The following GRIN2B variants were observed in gnomAD, a reference collection of about 807,000 sequenced individuals.
GRIN2B encodes the protein glutamate ionotropic receptor NMDA type subunit 2B.
A neutral mutation model predicts 114.5 loss-of-function variants in GRIN2B; 5 were observed. The ratio of observed to expected loss-of-function variants is 0.04; its 90% CI spans 0.02 to 0.09. GRIN2B has a LOEUF of 0.09. Among genes scored for constraint, GRIN2B ranks in the 10% least tolerant of loss-of-function variants. The pLI is 1.00. For missense variants in GRIN2B, 1,108 were observed against 1,943.5 expected (o/e 0.57, Z 8.08); for synonymous variants, 787 against 745.1 (o/e 1.06, Z -0.92).
intron 2 of GRIN2B, among the ~76,000 whole-genome samples, chr12:13,978,834 G>T (rs1377592643): frequency 6.6e-6 from 1 of 152,182 alleles, no homozygotes; most frequent in African/African-American, 2.4e-5. Context: ...TTGCATGAGT[G>T]ACTAGCTGAA....
intron 4 of GRIN2B, among the ~76,000 whole-genome samples, chr12:13,708,562 T>A (rs564279272): frequency 1.3e-5 from 2 of 152,246 alleles, no homozygotes; most frequent in South Asian, 2.1e-4. Flanking sequence ...TTAAAAGTTA[T>A]CTTTATTATT....
intron 4 of GRIN2B, among the ~76,000 whole-genome samples, chr12:13,684,930 C>G (rs1461939339): frequency 3.3e-5 from 5 of 152,148 alleles, no homozygotes; most frequent in African/African-American, 1.2e-4. Flanking sequence ...GCTGGAAAAA[C>G]TATTCAGGGG....
intron 4 of GRIN2B, among the ~76,000 whole-genome samples, chr12:13,746,328 C>A (rs12321712): frequency 6.6e-6 from 1 of 152,220 alleles, no homozygotes; most frequent in East Asian, 1.9e-4. Context: ...ACCTATGACC[C>A]GCTTTTTAAC....
chr12:13,944,058 T>C (rs938449947), intron 2 of GRIN2B, among the ~76,000 whole-genome samples: 11 of 152,236 alleles, frequency 7.2e-5, no homozygotes, highest in African/African-American at 2.7e-4. Flanking sequence ...AAGTTTCATT[T>C]GTAAAACAAA....
chr12:13,754,382 T>C (rs1863541445), intron 3 of GRIN2B, among the ~76,000 whole-genome samples: 1 of 152,202 alleles, frequency 6.6e-6, no homozygotes, highest in Non-Finnish European at 1.5e-5. Flanking sequence ...TTTCCATTTT[T>C]CAAGGCTTTT....
chr12:13,685,992 A>G (rs1950171903), intron 4 of GRIN2B, among the ~76,000 whole-genome samples: 1 of 152,168 alleles, frequency 6.6e-6, no homozygotes, highest in South Asian at 2.1e-4. Flanking sequence ...AAGGGATATT[A>G]TGGATCTGAA....
intron 4 of GRIN2B, among the ~76,000 whole-genome samples, chr12:13,706,740 T>G (rs1050923943): frequency 2.6e-5 from 4 of 152,216 alleles, no homozygotes; most frequent in African/African-American, 9.6e-5. Context: ...ACTGTGTGAG[T>G]CCTGTTTGCC....
chr12:13,690,836 C>T (rs1175006585), intron 4 of GRIN2B, among the ~76,000 whole-genome samples: 3 of 152,108 alleles, frequency 2.0e-5, no homozygotes, highest in Non-Finnish European at 1.5e-5. Flanking sequence ...AAACTCAAAG[C>T]ATTGGGGGAA....
intron 4 of GRIN2B, among the ~76,000 whole-genome samples, chr12:13,718,372 T>C (rs1950476661): frequency 6.6e-6 from 1 of 151,902 alleles, no homozygotes; most frequent in Non-Finnish European, 1.5e-5. Context: ...TAAGGAGAGA[T>C]TCAGAGCTGT....
intron 4 of GRIN2B, among the ~76,000 whole-genome samples, chr12:13,685,633 CAG>C (rs1456759591): frequency 6.6e-6 from 1 of 152,066 alleles, no homozygotes; most frequent in Non-Finnish European, 1.5e-5. Flanking sequence ...GTATGTGAGA[CAG>C]AGAGAGTGGT....
rs1254629461 is a variant in GRIN2B, at chr12:13,546,098, G to T, written c.*16685C>A. 1 of 151,972 alleles carries T rather than the reference G, an allele frequency of 6.6e-6. No homozygotes were observed. The highest frequency in any genetic ancestry group is 2.4e-5 in the African/African-American group (1 of 41,370). The allele number at this position is 151,972 out of a possible 1,614,324, so 9.4% of individuals were successfully genotyped here. On this transcript the variant is annotated 3_prime_UTR_variant, in exon 14 of 14. Transcript: ENST00000609686. ...TCTCTCTCAGAGGTGACCTAACTTT[G>T]TGATCCAAAATCATTCCAATATTGA...
chr12:13,958,229 G>C (rs138852604), intron 2 of GRIN2B, among the ~76,000 whole-genome samples: 165 of 152,250 alleles, frequency 1.1e-3, no homozygotes, highest in African/African-American at 3.9e-3. Context: ...AACACAATCT[G>C]TAAAAATAAT....
chr12:13,743,535 G>A (rs1863320975), intron 4 of GRIN2B, among the ~76,000 whole-genome samples: 1 of 150,662 alleles, frequency 6.6e-6, no homozygotes, highest in African/African-American at 2.4e-5. Context: ...ATAGTGAACT[G>A]TAATATAATA....
chr12:13,816,743 T>C (rs1032762205), intron 3 of GRIN2B, among the ~76,000 whole-genome samples: 1 of 152,182 alleles, frequency 6.6e-6, no homozygotes, highest in African/African-American at 2.4e-5. Context: ...AACAAGATAA[T>C]ATACATTATA....
chr12:13,795,181 C>T (rs1864395980), intron 3 of GRIN2B, among the ~76,000 whole-genome samples: 2 of 152,114 alleles, frequency 1.3e-5, no homozygotes, highest in South Asian at 4.1e-4. Flanking sequence ...CTGTGTCCAT[C>T]TATATTGGGT....
intron 2 of GRIN2B, among the ~76,000 whole-genome samples, chr12:13,971,556 T>A (rs1260350430): frequency 6.6e-6 from 1 of 152,176 alleles, no homozygotes; most frequent in Non-Finnish European, 1.5e-5. Flanking sequence ...ACAGGGCTAG[T>A]GAATTCCAAC....
chr12:13,685,001 T>C (rs1196383644), intron 4 of GRIN2B, among the ~76,000 whole-genome samples: 4 of 152,336 alleles, frequency 2.6e-5, no homozygotes, highest in Admixed American at 2.6e-4. Context: ...AGGAAGACTT[T>C]CCTTCCTGTG....
intron 1 of GRIN2B, among the ~76,000 whole-genome samples, chr12:13,980,801 G>C (rs1253738311): frequency 6.6e-6 from 1 of 152,222 alleles, no homozygotes; most frequent in East Asian, 1.9e-4. Flanking sequence ...ATCGCCTCCA[G>C]CAGCAGCGCC....
chr12:13,865,861 T>A lies in GRIN2B; in HGVS notation c.348A>T (p.Ser116=), dbSNP rs369700137. The A allele has an allele frequency of 3.1e-6, 5 of 1,614,032 alleles. No homozygotes were observed. Among genetic ancestry groups the A allele is most frequent in the Non-Finnish European group, 4.2e-6 (5 of 1,179,978 alleles). The change falls in exon 3 of 14, where the codon TCA becomes TCT. Residue 116 remains serine (S), a synonymous_variant. Coordinates refer to ENST00000609686, the MANE Select transcript of GRIN2B (RefSeq NM_000834.5). Reference sequence around the variant, plus strand: ...CCAGGATGGGGGTGAGAGTCTGTGCTGAAATGAAATCGAGGATCTGGGCGA... The same window carrying A: ...CCAGGATGGGGGTGAGAGTCTGTGCAGAAATGAAATCGAGGATCTGGGCGA... ...EAIAQILDFI[S]AQTLTPILGI...
Sources: gnomAD v4.1 joint callset for allele counts (sites outside exome capture counted in the v4.1 genomes callset) on GRCh38, gnomAD v4.1.1 for gene constraint, MANE v1.5 for transcripts, NCBI Gene and HGNC (gene_info 2026-07-23, HGNC 2026-07-21) for gene names.